The following GABRA4 variants were observed in gnomAD, a reference collection of about 807,000 sequenced individuals.
The protein encoded by GABRA4 is gamma-aminobutyric acid receptor subunit alpha-4.
In GABRA4, 12 loss-of-function variants were observed where a neutral mutation model predicts 49.7. That is an observed-to-expected ratio of 0.24 (90% CI 0.15 to 0.39). The LOEUF (loss-of-function observed/expected upper bound fraction) is 0.39. Ranked by LOEUF, GABRA4 falls within the 10% of genes least tolerant of loss-of-function variation. The pLI, the probability that GABRA4 is intolerant of heterozygous loss-of-function variation, is 1.00. For missense variants in GABRA4, 506 were observed against 686.0 expected, an observed-to-expected ratio of 0.74 and a Z score of 2.93; for synonymous variants, 288 against 240.2, an observed-to-expected ratio of 1.20 and a Z score of -1.84.
At chr4:46,978,515 C>G (rs1011601475) in intron 3 of GABRA4, among the ~76,000 whole-genome samples, 1 of 151,042 alleles carries the variant, frequency 6.6e-6, no homozygotes, top group Non-Finnish European at 1.5e-5. Context: ...TGGAGACACC[C>G]TATCTCTACT....
At position 46,924,724 on chromosome 4, in the gene GABRA4, G is replaced by C. The variant is rs1388921093; in HGVS notation, c.*3501C>G. 6.6e-6 allele frequency: 1 copy of C among 151,936 alleles called. No individual in the cohort carries two copies. The highest frequency in any genetic ancestry group is 1.5e-5 in the Non-Finnish European group (1 of 67,924). 9.4% of individuals were successfully genotyped at this position (151,936 alleles called of 1,614,324 possible). A position where few individuals can be genotyped will look rare whatever the true frequency, so the allele number is the denominator to read the frequency against. On this transcript the variant is annotated 3_prime_UTR_variant, in exon 9 of 9. Coordinates refer to ENST00000264318, the MANE Select transcript of GABRA4 (RefSeq NM_000809.4). ...ATGAACTTAAAGTAATCAAGCAGTA[G>C]AACTAAATTTTTGTCCATAAACACT...
chr4:46,928,464 G>C lies in GABRA4; in HGVS notation c.1426C>G (p.Arg476Gly). Residue 476 changes from arginine to glycine, a missense_variant, in exon 9 of 9, where the codon CGT becomes GGT. Transcript: ENST00000264318. ...TGCAGTCTTGATCCAAACACGTGAC[G>C]AGTAGAAGCAGATCCAACTGAAGCC... Reference protein sequence around the residue: ...RKASVGSASTRHVFGSRLQRI... With the variant: ...RKASVGSASTGHVFGSRLQRI... 6.2e-7 allele frequency: 1 copy of C among 1,613,686 alleles called. No homozygotes were observed. The highest frequency in any genetic ancestry group is 8.5e-7 in the Non-Finnish European group (1 of 1,179,726).
chr4:46,920,693 A>G lies in GABRA4; in HGVS notation c.*7532T>C, dbSNP rs1047201227. 2.0e-5 allele frequency: 3 copies of G among 151,716 alleles called. No individual in the cohort carries two copies. The highest frequency in any genetic ancestry group is 7.2e-5 in the African/African-American group (3 of 41,408). 9.4% of individuals were successfully genotyped at this position (151,716 alleles called of 1,614,324 possible). ...TCACACCAAAATTCCAATGTATTAC[A>G]GGGAGGTATTTCCAAATTAGGTTAT... On this transcript the variant is annotated 3_prime_UTR_variant, in exon 9 of 9. Transcript: ENST00000264318.
chr4:46,932,480 A>G (rs951988840), intron 8 of GABRA4, among the ~76,000 whole-genome samples: 1 of 152,172 alleles, frequency 6.6e-6, no homozygotes, highest in Non-Finnish European at 1.5e-5. Context: ...GTATAATGTT[A>G]AGAAAAATTA....
At chr4:46,969,758 G>C (rs923617404) in intron 7 of GABRA4, among the ~76,000 whole-genome samples, 2 of 151,316 alleles carry the variant, frequency 1.3e-5, no homozygotes, top group African/African-American at 4.8e-5. Context: ...TGGCAGATTT[G>C]GGTTTAAACC....
Position 46,973,368 on chromosome 4 carries a change from C to G in GABRA4, c.721+864G>C, listed in dbSNP as rs550680478. ...CAGTGTGAGCACCCACTCCCTACAC[C>G]TTTGGGGTCCCCATGTGAGGACTTA... On this transcript the variant is annotated intron_variant, in intron 6 of 8. Transcript: ENST00000264318. Among the ~76,000 whole-genome samples the G allele has an allele frequency of 4.6e-5, 7 of 151,774 alleles. 1 individual carries two copies. In the East Asian group the frequency reaches 9.8e-4, roughly 21 times the overall value.
At chr4:46,979,123 G>A (rs1477068738) in intron 2 of GABRA4, 25 bp from the exon 3 acceptor site, 3 of 1,469,002 alleles carry the variant, frequency 2.0e-6, no homozygotes, top group Admixed American at 3.4e-5. Flanking sequence ...GTAAATAAGT[G>A]TGAAAAAATA....
At chr4:46,992,568 C>T (rs974602247) in intron 2 of GABRA4, 3 of 483,114 alleles carry the variant, frequency 6.2e-6, no homozygotes, top group Non-Finnish European at 1.1e-5. Flanking sequence ...TCCTCTCCAA[C>T]CTCCCCCACC....
At chr4:46,936,844 A>G (rs1380485234) in intron 8 of GABRA4, among the ~76,000 whole-genome samples, 1 of 152,148 alleles carries the variant, frequency 6.6e-6, no homozygotes, top group Non-Finnish European at 1.5e-5. Context: ...TATGTCAATT[A>G]TAGTAGTCAA....
chr4:46,940,160 A>T lies in GABRA4; in HGVS notation c.1135-11405T>A, dbSNP rs560996172. On this transcript the variant is annotated intron_variant, in intron 8 of 8. Coordinates refer to ENST00000264318, the MANE Select transcript of GABRA4 (RefSeq NM_000809.4). ...TTTATGATGTTCTTCTACAAGAGGA[A>T]ATCTATTCCCTATCTTTCTTCCACA... is the stretch of plus-strand genomic sequence containing the variant. Among the ~76,000 whole-genome samples the T allele has an allele frequency of 2.2e-4, 34 of 152,208 alleles. No individual in the cohort carries two copies. In the South Asian group the frequency reaches 6.8e-3, roughly 31 times the overall value.
At chr4:46,967,849 G>C (rs1368305456) in intron 7 of GABRA4, among the ~76,000 whole-genome samples, 1 of 151,670 alleles carries the variant, frequency 6.6e-6, no homozygotes, top group Non-Finnish European at 1.5e-5. Context: ...GTACACAAGA[G>C]TGAATTTTTG....
At chr4:46,933,197 CTT>C (rs1721502016) in intron 8 of GABRA4, among the ~76,000 whole-genome samples, 1 of 152,060 alleles carries the variant, frequency 6.6e-6, no homozygotes. Flanking sequence ...TAAAGACTGT[CTT>C]ATCAATCATT....
chr4:46,928,364 G>C lies in GABRA4; in HGVS notation c.1526C>G (p.Pro509Arg), dbSNP rs1052983845. Residue 509 changes from proline to arginine, a missense_variant, in exon 9 of 9, where the codon CCA becomes CGA. By Grantham distance (103) the Pro-to-Arg change is moderately radical (BLOSUM62 -2). Transcript: ENST00000264318. The stretch of plus-strand genomic sequence containing the variant: ...TTTACTTGTGCCAGATCCAGAAGGT[G>C]GTGGAGCCGATGGAGGAGGAGTAGC... The part of the protein sequence containing the change: ...LSATPPPSAP[P>R]PSGSGTSKID... The C allele has an allele frequency of 6.2e-6, 10 of 1,613,570 alleles. No individual in the cohort carries two copies. Among genetic ancestry groups the C allele is most frequent in the Non-Finnish European group, 8.5e-6 (10 of 1,179,698 alleles).
In GABRA4 at chr4:46,963,735, A is replaced by G. The variant is rs925195636; in HGVS notation, c.1134+1235T>C. On this transcript the variant is annotated intron_variant, in intron 8 of 8. Transcript: ENST00000264318. ...ACATCACTGATCATCAGAGAAATGC[A>G]AATCAAAACTACAATGACGCATCAT... Among the ~76,000 whole-genome samples the G allele has an allele frequency of 2.0e-5, 3 of 151,850 alleles. No individual in the cohort carries two copies. The South Asian group carries it at 6.2e-4, about 31-fold the overall frequency.
chr4:46,949,342 C>A (rs183328466), intron 8 of GABRA4, among the ~76,000 whole-genome samples: 1 of 152,238 alleles, frequency 6.6e-6, no homozygotes, highest in Admixed American at 6.5e-5. Flanking sequence ...AAATTAAATA[C>A]TTTAGCAAAT....
chr4:46,955,923 T>G (rs1035259468), intron 8 of GABRA4, among the ~76,000 whole-genome samples: 3 of 152,130 alleles, frequency 2.0e-5, no homozygotes, highest in African/African-American at 7.2e-5. Context: ...GAATCCTCAG[T>G]GCTTTGCAGG....
At chr4:46,952,723 TA>T (rs1249259290) in intron 8 of GABRA4, among the ~76,000 whole-genome samples, 1 of 152,056 alleles carries the variant, frequency 6.6e-6, no homozygotes, top group African/African-American at 2.4e-5. Context: ...TGGTGGAAAA[TA>T]TAACTAAATG....
intron 8 of GABRA4, among the ~76,000 whole-genome samples, chr4:46,961,852 G>T (rs192333137): frequency 6.6e-6 from 1 of 151,924 alleles, no homozygotes; most frequent in African/African-American, 2.4e-5. Flanking sequence ...AGAAGAGGAA[G>T]AAGAGGAAAG....
At chr4:46,943,448 T>C (rs1164023879) in intron 8 of GABRA4, among the ~76,000 whole-genome samples, 3 of 152,146 alleles carry the variant, frequency 2.0e-5, no homozygotes, top group African/African-American at 4.8e-5. Flanking sequence ...TTATGCACCT[T>C]TTATCTCTCT....
Sources: allele counts gnomAD v4.1 joint callset (sites outside exome capture counted in the v4.1 genomes callset), GRCh38; gene constraint gnomAD v4.1.1; transcripts MANE v1.5; gene names NCBI Gene and HGNC (gene_info 2026-07-23, HGNC 2026-07-21).